Variants in BBS2 observed in about 807,000 individuals in gnomAD.
The protein encoded by BBS2 is BBSome complex member BBS2.
BBS2 carries 62 observed loss-of-function variants against 83.0 expected under a neutral mutation model. The ratio of observed to expected loss-of-function variants is 0.75; its 90% CI spans 0.61 to 0.92. BBS2 has a LOEUF of 0.92. BBS2 is among the 40% of genes least tolerant of loss of function. The pLI is 0.00. For missense variants in BBS2, 784 were observed against 901.0 expected (o/e 0.87, Z 1.66); for synonymous variants, 303 against 326.1 (o/e 0.93, Z 0.76).
chr16:56,517,252 T>G (rs1015557459), intron 1 of BBS2, among the ~76,000 whole-genome samples: 2 of 152,352 alleles, frequency 1.3e-5, no homozygotes, highest in South Asian at 4.1e-4. Context: ...AGGGACTTCC[T>G]AACTTACTCA....
At chr16:56,508,053 A>G (rs1964471796) in intron 5 of BBS2, among the ~76,000 whole-genome samples, 1 of 152,182 alleles carries the variant, frequency 6.6e-6, no homozygotes, top group Non-Finnish European at 1.5e-5. Context: ...TCTCCTCTTC[A>G]TTTCTTCTCT....
intron 15 of BBS2, among the ~76,000 whole-genome samples, chr16:56,487,088 T>A (rs751329306): frequency 6.6e-6 from 1 of 152,040 alleles, no homozygotes; most frequent in Non-Finnish European, 1.5e-5. Flanking sequence ...ATCTCGATTG[T>A]AGTAGTAGCA....
At position 56,472,508 on chromosome 16, in the gene BBS2, C is replaced by A. The variant is rs527706830; in HGVS notation, c.*1-1813G>T. On this transcript the variant is annotated intron_variant, in intron 17 of 17. Coordinates refer to the BBS2 transcript ENST00000682047. ...AAGCTTGGCAAAAGCTATCAAATTG[C>A]TGGGCATATGATAGCAGTGCTAAAC... is the stretch of plus-strand genomic sequence containing the variant. Among the ~76,000 whole-genome samples, 55 of 152,238 alleles carry A rather than the reference C, an allele frequency of 3.6e-4. 1 individual carries two copies. In the South Asian group the frequency reaches 0.011, roughly 30 times the overall value.
chr16:56,505,073 A>C (rs1276167891), intron 7 of BBS2, among the ~76,000 whole-genome samples: 1 of 152,158 alleles, frequency 6.6e-6, no homozygotes, highest in East Asian at 1.9e-4. Flanking sequence ...ATAAGAAATA[A>C]ATTTCTGTTG....
At chr16:56,488,854 G>T (rs771922897) in intron 15 of BBS2, among the ~76,000 whole-genome samples, 10 of 152,174 alleles carry the variant, frequency 6.6e-5, no homozygotes, top group African/African-American at 2.2e-4. Context: ...CATACAAAAA[G>T]ACATCACTTT....
chr16:56,483,778 C>G (rs1385129027), downstream of BBS2, among the ~76,000 whole-genome samples: 2 of 150,846 alleles, frequency 1.3e-5, no homozygotes, highest in Non-Finnish European at 1.5e-5. Context: ...TTGCTCACTG[C>G]AACCTCCACC....
chr16:56,491,725 CAAAA>C lies in BBS2; in HGVS notation c.1910+5238_1910+5241del, dbSNP rs773397021. Reference sequence around the variant, plus strand: ...ATAAATGGCTCCTACAACTCAACAGCAAAAAAAAAAAAAAAAAAAAACACTAGTA... The same window carrying C: ...ATAAATGGCTCCTACAACTCAACAGCAAAAAAAAAAAAAAAAACACTAGTA... On this transcript the variant is annotated intron_variant, in intron 15 of 16. Coordinates refer to ENST00000245157, the MANE Select transcript of BBS2 (RefSeq NM_031885.5). Among the ~76,000 whole-genome samples, 27 of 43,204 alleles carry C rather than the reference CAAAA, an allele frequency of 6.2e-4. No homozygotes were observed. The East Asian group carries it at 0.011, about 18-fold the overall frequency. 28.3% of individuals were successfully genotyped at this position (43,204 alleles called of 152,430 possible). A position where few individuals can be genotyped will look rare whatever the true frequency, so the allele number is the denominator to read the frequency against.
At chr16:56,480,356 A>C (rs867316822), downstream of BBS2, among the ~76,000 whole-genome samples, 40 of 100,824 alleles carry the variant, frequency 4.0e-4, no homozygotes, top group South Asian at 3.2e-3. Flanking sequence ...CACACACAAA[A>C]AAAAAAAAAC....
intron 16 of BBS2, 31 bp downstream of exon 16, chr16:56,485,554 ACAGAT>A: frequency 6.2e-7 from 1 of 1,612,370 alleles, no homozygotes; most frequent in Non-Finnish European, 8.5e-7. Context: ...CAAAAACATT[ACAGAT>A]CAAAGTGCAG....
intron 1 of BBS2, among the ~76,000 whole-genome samples, chr16:56,518,683 A>G (rs867637769): frequency 3.0e-5 from 3 of 100,612 alleles, no homozygotes; most frequent in Non-Finnish European, 7.6e-5. Flanking sequence ...ATAAGTTATT[A>G]GCGTTGTCAC....
chr16:56,502,612 T>C (rs780470155), intron 8 of BBS2, 61 bp downstream of exon 8: 18 of 1,613,120 alleles, frequency 1.1e-5, no homozygotes, highest in Non-Finnish European at 1.4e-5. Flanking sequence ...AATTTCCTGA[T>C]ATTTTGACCC....
chr16:56,519,992 A>G lies in BBS2; in HGVS notation c.-130T>C. The G allele has an allele frequency of 1.3e-6, 1 of 784,518 alleles. No homozygotes were observed. Among genetic ancestry groups the G allele is most frequent in the African/African-American group, 1.7e-5 (1 of 58,514 alleles). 48.6% of individuals were successfully genotyped at this position (784,518 alleles called of 1,614,324 possible). A position where few individuals can be genotyped will look rare whatever the true frequency, so the allele number is the denominator to read the frequency against. On this transcript the variant is annotated 5_prime_UTR_variant, in exon 1 of 17. Coordinates refer to ENST00000245157, the MANE Select transcript of BBS2 (RefSeq NM_031885.5). The stretch of plus-strand genomic sequence containing the variant: ...CCAGCCGCCTCAGGCCGGACGCGAA[A>G]CAGCCCGGGACGAACCCGTCCAGGT...
At chr16:56,482,651 TTAA>T (rs1963682484), downstream of BBS2, among the ~76,000 whole-genome samples, 1 of 152,194 alleles carries the variant, frequency 6.6e-6, no homozygotes, top group South Asian at 2.1e-4. Flanking sequence ...ATCAATAAAA[TTAA>T]TGTTTACTAA....
chr16:56,485,835 A>ATT, intron 15 of BBS2, 97 bp from the exon 16 acceptor site: 1 of 1,097,332 alleles, frequency 9.1e-7, no homozygotes, highest in African/African-American at 1.6e-5. Context: ...AAAAGACACC[A>ATT]TTTTTAAGCT....
At chr16:56,476,307 T>C in intron 17 of BBS2, 1 of 1,114,132 alleles carries the variant, frequency 9.0e-7, no homozygotes, top group Admixed American at 2.6e-5. Flanking sequence ...GTAGCTTGCC[T>C]GACAGTGTTC....
intron 15 of BBS2, 124 bp downstream of exon 15, chr16:56,496,843 T>C (rs1367237718): frequency 2.5e-6 from 2 of 793,050 alleles, no homozygotes; most frequent in Non-Finnish European, 4.5e-6. Flanking sequence ...TTACTGATAA[T>C]GCCAAGTTAT....
chr16:56,519,978 A>G lies in BBS2; in HGVS notation c.-116T>C. The G allele has an allele frequency of 7.7e-6, 7 of 914,494 alleles. No individual in the cohort carries two copies. The highest frequency in any genetic ancestry group is 1.2e-5 in the Non-Finnish European group (7 of 570,462). 56.6% of individuals were successfully genotyped at this position (914,494 alleles called of 1,614,324 possible). A position where few individuals can be genotyped will look rare whatever the true frequency, so the allele number is the denominator to read the frequency against. On this transcript the variant is annotated 5_prime_UTR_variant, in exon 1 of 17. Coordinates refer to ENST00000245157, the MANE Select transcript of BBS2 (RefSeq NM_031885.5). ...CTACCTGCGCGGCCCCAGCCGCCTC[A>G]GGCCGGACGCGAAACAGCCCGGGAC... is the stretch of plus-strand genomic sequence containing the variant.
chr16:56,502,157 A>C, intron 9 of BBS2, 160 bp downstream of exon 9: 1 of 966,870 alleles, frequency 1.0e-6, no homozygotes, highest in Admixed American at 1.7e-5. Flanking sequence ...CCTGGAAATG[A>C]AATTTCAAGA....
At chr16:56,485,536 A>T in intron 16 of BBS2, 54 bp downstream of exon 16, 1 of 1,603,334 alleles carries the variant, frequency 6.2e-7, no homozygotes, top group Non-Finnish European at 8.5e-7. Context: ...ATCTTCAATG[A>T]GTTCCACCAA....
Sources: allele counts gnomAD v4.1 joint callset (sites outside exome capture counted in the v4.1 genomes callset), GRCh38; gene constraint gnomAD v4.1.1; transcripts MANE v1.5; gene names NCBI Gene and HGNC (gene_info 2026-07-23, HGNC 2026-07-21).